Variants in CPXM2 observed in about 807,000 individuals in gnomAD.
CPXM2 encodes inactive carboxypeptidase-like protein X2.
Under a neutral mutation model 86.1 loss-of-function variants are expected in CPXM2, and 66 were observed. The observed-to-expected ratio is 0.77, with a 90% confidence interval of 0.63 to 0.94. CPXM2 has a LOEUF of 0.94. Ranked by LOEUF, CPXM2 falls within the 40% of genes least tolerant of loss-of-function variation. The probability of loss-of-function intolerance (pLI) is 0.00; values close to 1 mark genes in which losing one functional copy is unlikely to be tolerated. For synonymous variants in CPXM2, 388 were observed against 400.2 expected, an observed-to-expected ratio of 0.97 and a Z score of 0.36; for missense variants, 948 against 1,026.3, an observed-to-expected ratio of 0.92 and a Z score of 1.04.
intron 2 of CPXM2, among the ~76,000 whole-genome samples, chr10:123,911,703 G>A (rs1945489513): frequency 6.6e-6 from 1 of 151,720 alleles, no homozygotes; most frequent in African/African-American, 2.4e-5. Context: ...AAGTCACATG[G>A]GTGCTCACAT....
chr10:123,751,999 C>G, intron 13 of CPXM2: 1 of 985,426 alleles, frequency 1.0e-6, no homozygotes. Context: ...GTCTTTTTAT[C>G]TCCCACTCAG....
At chr10:123,917,000 G>A (rs998476442) in intron 2 of CPXM2, among the ~76,000 whole-genome samples, 10 of 152,038 alleles carry the variant, frequency 6.6e-5, no homozygotes, top group African/African-American at 2.2e-4. Context: ...GAGTGAGAAT[G>A]ACAGATAGGG....
At chr10:123,939,874 G>C (rs1313347418) in intron 1 of CPXM2, among the ~76,000 whole-genome samples, 1 of 152,190 alleles carries the variant, frequency 6.6e-6, no homozygotes, top group East Asian at 1.9e-4. Flanking sequence ...CCCATGGCTG[G>C]CTCTCCAGGA....
chr10:123,761,827 G>A (rs535972731), intron 11 of CPXM2, 45 bp downstream of exon 11: 30 of 1,572,002 alleles, frequency 1.9e-5, no homozygotes, highest in African/African-American at 9.4e-5. Flanking sequence ...CCCCTGCAGC[G>A]TCCTCCTGCG....
chr10:123,748,563 C>T (rs1283035878), intron 13 of CPXM2, among the ~76,000 whole-genome samples: 1 of 152,010 alleles, frequency 6.6e-6, no homozygotes, highest in Non-Finnish European at 1.5e-5. Context: ...GCCACATGTA[C>T]ATCACTAAGG....
intron 1 of CPXM2, among the ~76,000 whole-genome samples, chr10:123,886,265 A>C (rs1996431): frequency 0.17 from 23,870 of 142,954 alleles, 2,071 homozygotes; most frequent in African/African-American, 0.21. Flanking sequence ...AAATATTTAC[A>C]AACACAGCTT....
intron 1 of CPXM2, among the ~76,000 whole-genome samples, chr10:123,890,119 C>T (rs1564814752): frequency 6.6e-6 from 1 of 152,216 alleles, no homozygotes; most frequent in Non-Finnish European, 1.5e-5. Context: ...CATAAAGTTT[C>T]TAATGGAGTC....
chr10:123,759,382 G>A (rs1191221262), intron 11 of CPXM2, among the ~76,000 whole-genome samples: 1 of 152,228 alleles, frequency 6.6e-6, no homozygotes, highest in South Asian at 2.1e-4. Context: ...ATTCTGGAGT[G>A]AGCCTGCCAT....
chr10:123,763,921 T>G (rs1490058020), intron 10 of CPXM2, among the ~76,000 whole-genome samples: 1 of 152,216 alleles, frequency 6.6e-6, no homozygotes, highest in Non-Finnish European at 1.5e-5. Flanking sequence ...AAAATCATTA[T>G]GCCAGTGTAT....
chr10:123,923,772 C>A (rs974324337), intron 2 of CPXM2, among the ~76,000 whole-genome samples: 4 of 152,082 alleles, frequency 2.6e-5, no homozygotes, highest in Non-Finnish European at 2.9e-5. Context: ...ATACTATTCT[C>A]GTAGTGAATT....
chr10:123,816,441 C>T (rs1223057195), intron 4 of CPXM2, among the ~76,000 whole-genome samples: 1 of 152,196 alleles, frequency 6.6e-6, no homozygotes, highest in African/African-American at 2.4e-5. Context: ...GGAGGGATTG[C>T]AGAGATTAGC....
chr10:123,828,973 C>T (rs558200427), intron 4 of CPXM2, among the ~76,000 whole-genome samples: 100 of 152,152 alleles, frequency 6.6e-4, no homozygotes, highest in Non-Finnish European at 1.2e-3. Flanking sequence ...AACCACATGT[C>T]CAACAAAAGA....
At chr10:123,854,742 G>A (rs927690808) in intron 3 of CPXM2, among the ~76,000 whole-genome samples, 1 of 151,806 alleles carries the variant, frequency 6.6e-6, no homozygotes, top group African/African-American at 2.4e-5. Flanking sequence ...CAGGGCACCT[G>A]CCTCACTGTA....
At chr10:123,829,091 T>G (rs118103628) in intron 4 of CPXM2, among the ~76,000 whole-genome samples, 1 of 152,222 alleles carries the variant, frequency 6.6e-6, no homozygotes, top group East Asian at 1.9e-4. Context: ...AAAAAGGATA[T>G]CTAGATGGCA....
At chr10:123,879,730 C>T (rs1210004917) in intron 2 of CPXM2, among the ~76,000 whole-genome samples, 1 of 152,094 alleles carries the variant, frequency 6.6e-6, no homozygotes, top group Non-Finnish European at 1.5e-5. Flanking sequence ...TTTGAACATT[C>T]CAAGGTGAGT....
intron 3 of CPXM2, among the ~76,000 whole-genome samples, chr10:123,852,349 A>G (rs1848620517): frequency 6.6e-6 from 1 of 151,992 alleles, no homozygotes; most frequent in Non-Finnish European, 1.5e-5. Context: ...CTTCATCCAA[A>G]CCTCATCTGC....
At chr10:123,787,611 T>C (rs1847093595) in intron 6 of CPXM2, among the ~76,000 whole-genome samples, 1 of 152,144 alleles carries the variant, frequency 6.6e-6, no homozygotes, top group Non-Finnish European at 1.5e-5. Context: ...ACAGTAAGAA[T>C]CCCAGATCAA....
intron 3 of CPXM2, among the ~76,000 whole-genome samples, chr10:123,844,282 T>C (rs1234978266): frequency 6.6e-6 from 1 of 152,018 alleles, no homozygotes; most frequent in Non-Finnish European, 1.5e-5. Flanking sequence ...TGATAAATTT[T>C]GGAGAAATTT....
chr10:123,789,620 A>G (rs1055217080), intron 6 of CPXM2, among the ~76,000 whole-genome samples: 1 of 152,260 alleles, frequency 6.6e-6, no homozygotes. Flanking sequence ...AAGAAGAACC[A>G]GCACTCAAAG....
Sources: gnomAD v4.1 joint callset for allele counts (sites outside exome capture counted in the v4.1 genomes callset) on GRCh38, gnomAD v4.1.1 for gene constraint, MANE v1.5 for transcripts, NCBI Gene and HGNC (gene_info 2026-07-23, HGNC 2026-07-21) for gene names.